The following SNF8 variants were observed in gnomAD, a reference collection of about 807,000 sequenced individuals.
SNF8 encodes SNF8 subunit of ESCRT-II.
SNF8 carries 19 observed loss-of-function variants against 36.8 expected under a neutral mutation model. That is an observed-to-expected ratio of 0.52 (90% CI 0.36 to 0.76). The LOEUF is 0.76. Among genes scored for constraint, SNF8 ranks in the 30% least tolerant of loss-of-function variants. SNF8 has a pLI of 0.00. For missense variants in SNF8, 268 were observed against 322.9 expected (o/e 0.83, Z 1.30); for synonymous variants, 127 against 127.4 (o/e 1.00, Z 0.02).
At chr17:48,940,873 G>C (rs756782911) in intron 3 of SNF8, 51 bp downstream of exon 3, 3 of 1,589,644 alleles carry the variant, frequency 1.9e-6, no homozygotes, top group Non-Finnish European at 2.6e-6. Context: ...GTGAGCTTCT[G>C]TTCCTCAGGT....
chr17:48,930,364 A>G lies in SNF8; in HGVS notation c.*111T>C. ...TTCAAAAATAAAAGAATGAGGGAAG[A>G]AAGAAAAACTTGGAACTTTTTTTCT... On this transcript the variant is annotated 3_prime_UTR_variant, in exon 8 of 8. Coordinates refer to ENST00000502492, the MANE Select transcript of SNF8 (RefSeq NM_007241.4). The G allele has an allele frequency of 8.1e-6, 10 of 1,242,152 alleles. No homozygotes were observed. The highest frequency in any genetic ancestry group is 1.1e-5 in the Non-Finnish European group (10 of 947,564). 76.9% of individuals were successfully genotyped at this position (1,242,152 alleles called of 1,614,324 possible). A position where few individuals can be genotyped will look rare whatever the true frequency, so the allele number is the denominator to read the frequency against.
intron 2 of SNF8, 98 bp downstream of exon 2, chr17:48,943,827 T>C: frequency 1.8e-6 from 2 of 1,108,648 alleles, no homozygotes; most frequent in Non-Finnish European, 2.8e-6. Flanking sequence ...AAACACCCTA[T>C]TTCTAGTTCA....
At chr17:48,941,937 TG>T (rs1387095020) in intron 2 of SNF8, among the ~76,000 whole-genome samples, 1 of 152,042 alleles carries the variant, frequency 6.6e-6, no homozygotes, top group South Asian at 2.1e-4. Flanking sequence ...ACAGTCCATC[TG>T]TCTCAGCCTC....
intron 6 of SNF8, chr17:48,932,391 C>T (rs541725720): frequency 6.6e-6 from 1 of 152,306 alleles, no homozygotes; most frequent in East Asian, 1.9e-4. Context: ...CTTGCCCTGC[C>T]TCATTCTACT....
intron 2 of SNF8, among the ~76,000 whole-genome samples, chr17:48,941,394 G>A (rs1333524604): frequency 6.6e-6 from 1 of 152,152 alleles, no homozygotes. Context: ...TATATATAAT[G>A]TGGTATTCCT....
rs756516406 is a variant in SNF8, at chr17:48,933,276, C to T, written c.493G>A (p.Gly165Ser). Reference sequence around the variant, plus strand: ...GGAACAGACTGAATGAGGTAAGTGCCGCCCACAGGGATGATGCCGAAGCCA... The same window carrying T: ...GGAACAGACTGAATGAGGTAAGTGCTGCCCACAGGGATGATGCCGAAGCCA... ...GTGFGIIPVGGTYLIQSVPAE... is the reference protein window; with the variant it reads ...GTGFGIIPVGSTYLIQSVPAE... Residue 165 changes from glycine to serine, a missense_variant, in exon 6 of 8, where the codon GGC (glycine) becomes AGC (serine). Gly to Ser is a moderately conservative substitution (Grantham distance 56). Transcript: ENST00000502492. The T allele has an allele frequency of 3.7e-6, 6 of 1,614,002 alleles. No individual in the cohort carries two copies. The highest frequency in any genetic ancestry group is 5.1e-6 in the Non-Finnish European group (6 of 1,180,026).
rs756691528 is a variant in SNF8, at chr17:48,937,264, G to A, written c.245-140C>T. On this transcript the variant is annotated intron_variant, in intron 3 of 7. Coordinates refer to ENST00000502492, the MANE Select transcript of SNF8 (RefSeq NM_007241.4). Reference sequence around the variant, plus strand: ...TTCTTCTGCTCCATCTGCTACTCAGGAAACAATCGGACTCACGGTAACTCC... The same window carrying A: ...TTCTTCTGCTCCATCTGCTACTCAGAAAACAATCGGACTCACGGTAACTCC... The A allele has an allele frequency of 1.3e-5, 10 of 743,440 alleles. No homozygotes were observed. In the East Asian group the frequency reaches 2.4e-4, roughly 18 times the overall value. The allele number at this position is 743,440 out of a possible 1,614,324, so 46.1% of individuals were successfully genotyped here. A position where few individuals can be genotyped will look rare whatever the true frequency, so the allele number is the denominator to read the frequency against.
chr17:48,935,816 A>G (rs1450635940), intron 5 of SNF8: 1 of 173,304 alleles, frequency 5.8e-6, no homozygotes, highest in Non-Finnish European at 1.2e-5. Flanking sequence ...TTCCTTTTTT[A>G]AATCTATATT....
At chr17:48,942,714 A>T (rs2041047200) in intron 2 of SNF8, among the ~76,000 whole-genome samples, 1 of 152,124 alleles carries the variant, frequency 6.6e-6, no homozygotes, top group Non-Finnish European at 1.5e-5. Flanking sequence ...AGAGGACCTA[A>T]ATCAATAACA....
intron 7 of SNF8, among the ~76,000 whole-genome samples, chr17:48,930,955 C>T (rs1044380899): frequency 6.6e-6 from 1 of 152,210 alleles, no homozygotes. Flanking sequence ...AAACAGAGAT[C>T]ACTGTTTAGC....
chr17:48,944,018 T>C (rs1476803895), intron 1 of SNF8, 43 bp from the exon 2 acceptor site: 1 of 1,599,748 alleles, frequency 6.3e-7, no homozygotes, highest in Non-Finnish European at 8.6e-7. Context: ...GAGTGGGCGC[T>C]GGAGGCCAGG....
intron 5 of SNF8, among the ~76,000 whole-genome samples, chr17:48,934,748 T>G (rs200262828): frequency 6.6e-6 from 1 of 152,136 alleles, no homozygotes; most frequent in East Asian, 1.9e-4. Context: ...AGAGACAAGG[T>G]CTCACTACAC....
intron 3 of SNF8, chr17:48,937,385 T>C (rs2040950732): frequency 1.7e-6 from 1 of 579,780 alleles, no homozygotes; most frequent in African/African-American, 1.8e-5. Flanking sequence ...TCCAACACTT[T>C]GGGACATCGA....
intron 3 of SNF8, among the ~76,000 whole-genome samples, chr17:48,939,702 C>G (rs1387029770): frequency 6.6e-6 from 1 of 151,958 alleles, no homozygotes. Context: ...TTATGATCTG[C>G]CCGCCTCAGC....
At chr17:48,944,261 C>A (rs1598095650) in intron 1 of SNF8, 3 of 450,150 alleles carry the variant, frequency 6.7e-6, no homozygotes, top group East Asian at 8.7e-5. Context: ...GAGATCGCGC[C>A]ACTGCACTCC....
rs868614765 is a variant in SNF8 at position 48,931,670 on chromosome 17, C to T, written c.612G>A (p.Trp204Ter). 11 of 1,613,258 alleles carry T rather than the reference C, an allele frequency of 6.8e-6. No individual in the cohort carries two copies. The highest frequency in any genetic ancestry group is 9.3e-6 in the Non-Finnish European group (11 of 1,179,684). The change falls in exon 7 of 8, where the codon TGG becomes TGA. Residue 204 changes from tryptophan (W) to a stop codon, truncating the protein, a stop_gained. Transcript: ENST00000502492. LOFTEE classifies it high-confidence loss of function. ...GCACTTGCCGCGCTCGCTCGGTCTC[C>T]CATTTAAGACTGGCTTTGATCTCAC... ...TVSEIKASLKWETERARQVLE... is the reference protein window; with the variant it reads ...TVSEIKASLK
rs1029074591 is a variant in SNF8 at position 48,943,663 on chromosome 17, G to A, written c.105+262C>T. On this transcript the variant is annotated intron_variant, in intron 2 of 7. Coordinates refer to ENST00000502492, the MANE Select transcript of SNF8 (RefSeq NM_007241.4). ...AGAATAATAGGGTTCCTTCCTTATGGGACTGTAATGAGGATTGAACAAGAC... is the reference window on the plus strand; with the variant it reads ...AGAATAATAGGGTTCCTTCCTTATGAGACTGTAATGAGGATTGAACAAGAC... Among the ~76,000 whole-genome samples the A allele has an allele frequency of 1.3e-5, 2 of 152,042 alleles. 1 individual carries two copies. Among genetic ancestry groups the A allele is most frequent in the Non-Finnish European group, 2.9e-5 (2 of 68,026 alleles).
intron 2 of SNF8, 48 bp from the exon 3 acceptor site, chr17:48,941,110 A>C: frequency 1.3e-6 from 2 of 1,598,818 alleles, no homozygotes; most frequent in Non-Finnish European, 1.7e-6. Flanking sequence ...CCAAATGATA[A>C]TCAGATGCCA....
rs111817490 is a variant in SNF8, at chr17:48,933,173, GCACA to G, written c.564+28_564+31del. On this transcript the variant is annotated intron_variant, in intron 6 of 7. Coordinates refer to ENST00000502492, the MANE Select transcript of SNF8 (RefSeq NM_007241.4). ...AGACTTGCCTCACAGACTGTCCCTT[GCACA>G]CACACACACTCGAAGGTGCACCAGT... 47 of 1,603,104 alleles carry G rather than the reference GCACA, an allele frequency of 2.9e-5. No homozygotes were observed. The Admixed American group carries it at 7.7e-4, about 26-fold the overall frequency.
Sources: allele counts gnomAD v4.1 joint callset (sites outside exome capture counted in the v4.1 genomes callset), GRCh38; gene constraint gnomAD v4.1.1; transcripts MANE v1.5; gene names NCBI Gene and HGNC (gene_info 2026-07-23, HGNC 2026-07-21).